Variants in KCNMB2 observed in about 807,000 individuals in gnomAD.
KCNMB2 encodes calcium-activated potassium channel subunit beta-2.
Under a neutral mutation model 24.5 loss-of-function variants are expected in KCNMB2, and 9 were observed. The observed-to-expected ratio is 0.37, with a 90% CI of 0.22 to 0.64. KCNMB2 has a LOEUF of 0.64. Among genes scored for constraint, KCNMB2 ranks in the 30% least tolerant of loss-of-function variants. KCNMB2 has a pLI of 0.63. For synonymous variants in KCNMB2, 109 were observed against 104.4 expected, an observed-to-expected ratio of 1.04 and a Z score of -0.27; for missense variants, 226 against 284.3, an observed-to-expected ratio of 0.79 and a Z score of 1.47.
chr3:178,649,944 A>G (rs1720050206), intron 1 of KCNMB2, among the ~76,000 whole-genome samples: 1 of 151,962 alleles, frequency 6.6e-6, no homozygotes, highest in Non-Finnish European at 1.5e-5. Flanking sequence ...TAGGGTATTG[A>G]TCTTAGATCT....
chr3:178,775,344 T>C (rs1712537278), intron 1 of KCNMB2, among the ~76,000 whole-genome samples: 1 of 152,156 alleles, frequency 6.6e-6, no homozygotes, highest in Non-Finnish European at 1.5e-5. Flanking sequence ...ATATAACAAA[T>C]GTTATGTAAA....
At chr3:178,682,543 A>T (rs1170022654) in intron 1 of KCNMB2, among the ~76,000 whole-genome samples, 1 of 152,194 alleles carries the variant, frequency 6.6e-6, no homozygotes, top group Non-Finnish European at 1.5e-5. Flanking sequence ...TGACTTGTAT[A>T]TGTAATTTTA....
chr3:178,597,248 A>C (rs1717909827), intron 1 of KCNMB2, among the ~76,000 whole-genome samples: 1 of 152,172 alleles, frequency 6.6e-6, no homozygotes. Flanking sequence ...TTAATGAATT[A>C]TGATTGTGGG....
At chr3:178,833,037 TG>T (rs1715099758) in intron 4 of KCNMB2, among the ~76,000 whole-genome samples, 2 of 23,108 alleles carry the variant, frequency 8.7e-5, no homozygotes, top group East Asian at 3.3e-4. Context: ...AATGTTACAA[TG>T]TCATCTTTTC....
At chr3:178,823,302 G>C (rs1001413625) in intron 2 of KCNMB2, among the ~76,000 whole-genome samples, 9 of 152,148 alleles carry the variant, frequency 5.9e-5, no homozygotes, top group Non-Finnish European at 1.0e-4. Flanking sequence ...TGGGAGCTGG[G>C]GAACAATGAA....
In KCNMB2 at chr3:178,807,390, C is replaced by T. The variant is rs778657723; in HGVS notation, c.-20C>T. 6.2e-7 allele frequency: 1 copy of T among 1,611,760 alleles called. No individual in the cohort carries two copies. The highest frequency in any genetic ancestry group is 1.3e-5 in the African/African-American group (1 of 74,864). On this transcript the variant is annotated 5_prime_UTR_variant, in exon 2 of 5. Transcript: ENST00000452583. The stretch of plus-strand genomic sequence containing the variant: ...ACATCCACCATAAGGAAAGGAGACC[C>T]TGGACCAACATTCTCTAAGATGTTT...
rs576316997 is a variant in KCNMB2 at position 178,704,176 on chromosome 3, A to G, written c.-67-103167A>G. The stretch of plus-strand genomic sequence containing the variant: ...GTTTCAAGTGTCATTGTAAAAATTG[A>G]CATGCCCTATGTTTGATTTGCTATG... On this transcript the variant is annotated intron_variant, in intron 1 of 4. Transcript: ENST00000452583. Among the ~76,000 whole-genome samples the G allele has an allele frequency of 1.5e-4, 23 of 152,242 alleles. No individual in the cohort carries two copies. In the South Asian group the frequency reaches 4.8e-3, roughly 32 times the overall value.
chr3:178,548,394 CA>C (rs1715844173), intron 1 of KCNMB2, among the ~76,000 whole-genome samples: 2 of 152,182 alleles, frequency 1.3e-5, no homozygotes, highest in African/African-American at 4.8e-5. Flanking sequence ...CTCACTTAAC[CA>C]AGCAAATCAA....
intron 1 of KCNMB2, among the ~76,000 whole-genome samples, chr3:178,761,718 T>C (rs1711891481): frequency 6.6e-6 from 1 of 152,180 alleles, no homozygotes; most frequent in Non-Finnish European, 1.5e-5. Context: ...GCCTAGTAGC[T>C]GCTGGGAGCT....
At chr3:178,828,438 G>A (rs1161570149) in intron 4 of KCNMB2, 65 bp downstream of exon 4, 2 of 1,229,324 alleles carry the variant, frequency 1.6e-6, no homozygotes, top group Non-Finnish European at 2.3e-6. Flanking sequence ...CTCTGCCTCT[G>A]AAGTTCCCCT....
At chr3:178,800,772 A>T (rs1713742845) in intron 1 of KCNMB2, among the ~76,000 whole-genome samples, 1 of 152,190 alleles carries the variant, frequency 6.6e-6, no homozygotes, top group Non-Finnish European at 1.5e-5. Context: ...TTTGGAAGCA[A>T]CTTAAGTGTC....
At chr3:178,828,124 C>T in intron 3 of KCNMB2, 54 bp from the exon 4 acceptor site, 1 of 1,322,448 alleles carries the variant, frequency 7.6e-7, no homozygotes, top group South Asian at 1.3e-5. Flanking sequence ...CGGACTATAC[C>T]TTTCTCACTA....
At chr3:178,766,863 C>T (rs1712142943) in intron 1 of KCNMB2, among the ~76,000 whole-genome samples, 2 of 152,116 alleles carry the variant, frequency 1.3e-5, no homozygotes, top group Admixed American at 6.5e-5. Flanking sequence ...TAGATGTTTG[C>T]CCTAAGGAAA....
intron 1 of KCNMB2, among the ~76,000 whole-genome samples, chr3:178,676,691 T>C (rs777881771): frequency 6.6e-6 from 1 of 152,106 alleles, no homozygotes; most frequent in Non-Finnish European, 1.5e-5. Context: ...TCACAGCAAA[T>C]GTCCTTACAG....
At chr3:178,660,237 A>T (rs1157586849) in intron 1 of KCNMB2, among the ~76,000 whole-genome samples, 2 of 152,236 alleles carry the variant, frequency 1.3e-5, no homozygotes, top group Non-Finnish European at 2.9e-5. Flanking sequence ...TGCAGAGGAT[A>T]TTAAATAAGA....
chr3:178,791,618 T>G (rs555142403), intron 1 of KCNMB2, among the ~76,000 whole-genome samples: 31 of 152,118 alleles, frequency 2.0e-4, no homozygotes, highest in African/African-American at 7.5e-4. Context: ...ATATCAATAT[T>G]CAAGTACAGG....
At chr3:178,787,995 T>C (rs1455357109) in intron 1 of KCNMB2, among the ~76,000 whole-genome samples, 1 of 152,190 alleles carries the variant, frequency 6.6e-6, no homozygotes, top group Non-Finnish European at 1.5e-5. Flanking sequence ...AAATGCATTA[T>C]GTACATAGGT....
intron 1 of KCNMB2, among the ~76,000 whole-genome samples, chr3:178,629,523 CAG>C (rs907616908): frequency 6.6e-6 from 1 of 152,034 alleles, no homozygotes; most frequent in Non-Finnish European, 1.5e-5. Flanking sequence ...GTGTTATAAT[CAG>C]AGAGATTGAA....
rs540153005 is a variant in KCNMB2 at position 178,557,856 on chromosome 3, C to T, written c.-68+21145C>T. ...GAGTAAACTAGGGTTCAGAGACATT[C>T]TGTGATTTGACCACCATCAAACAGC... On this transcript the variant is annotated intron_variant, in intron 1 of 4. Coordinates refer to ENST00000452583, the MANE Select transcript of KCNMB2 (RefSeq NM_181361.3). Among the ~76,000 whole-genome samples the T allele has an allele frequency of 8.5e-5, 13 of 152,228 alleles. No individual in the cohort carries two copies. The South Asian group carries it at 2.7e-3, about 32-fold the overall frequency.
Sources: gnomAD v4.1 joint callset for allele counts (sites outside exome capture counted in the v4.1 genomes callset) on GRCh38, gnomAD v4.1.1 for gene constraint, MANE v1.5 for transcripts, NCBI Gene and HGNC (gene_info 2026-07-23, HGNC 2026-07-21) for gene names.